Variants in PRKN observed in about 807,000 individuals in gnomAD.
PRKN encodes the protein E3 ubiquitin-protein ligase parkin.
Under a neutral mutation model 59.5 loss-of-function variants are expected in PRKN, and 56 were observed. That is an observed-to-expected ratio of 0.94 (90% confidence interval 0.76 to 1.18). The LOEUF is 1.18. Among genes scored for constraint, PRKN ranks in the 50% most tolerant of loss-of-function variants. The pLI, the probability that PRKN is intolerant of heterozygous loss-of-function variation, is 0.00. For synonymous variants in PRKN, 250 were observed against 222.1 expected (o/e 1.13, Z -1.12); for missense variants, 657 against 596.4 (o/e 1.10, Z -1.06).
chr6:161,751,131 A>C (rs934376431), intron 7 of PRKN, among the ~76,000 whole-genome samples: 3 of 152,242 alleles, frequency 2.0e-5, no homozygotes, highest in Admixed American at 6.5e-5. Context: ...GAACCAATTA[A>C]CAAACAATGT....
intron 7 of PRKN, among the ~76,000 whole-genome samples, chr6:161,595,846 G>C (rs1781895040): frequency 6.6e-6 from 1 of 152,230 alleles, no homozygotes; most frequent in Admixed American, 6.5e-5. Flanking sequence ...TTTACGGCGG[G>C]AAAGTGAAAA....
At chr6:161,836,337 C>G (rs1449982002) in intron 6 of PRKN, among the ~76,000 whole-genome samples, 2 of 152,238 alleles carry the variant, frequency 1.3e-5, no homozygotes, top group Non-Finnish European at 2.9e-5. Flanking sequence ...GTCCCCTCAT[C>G]TGGTCATCCT....
intron 3 of PRKN, among the ~76,000 whole-genome samples, chr6:162,212,272 A>G (rs1049321028): frequency 6.6e-6 from 1 of 152,092 alleles, no homozygotes; most frequent in Non-Finnish European, 1.5e-5. Context: ...TAAGTCAGCA[A>G]TCCCCCGAGA....
rs776385523 is a variant in PRKN at position 162,556,401 on chromosome 6, G to GTGTGTGTGTC, written c.8-112929_8-112928insGACACACACA. Among the ~76,000 whole-genome samples, 1,006 of 131,148 alleles carry GTGTGTGTGTC rather than the reference G, an allele frequency of 7.7e-3. 24 individuals are homozygous for GTGTGTGTGTC. Among genetic ancestry groups the GTGTGTGTGTC allele is most frequent in the South Asian group, 0.016 (58 of 3,728 alleles). The allele number at this position is 131,148 out of a possible 152,430, so 86.0% of individuals were successfully genotyped here. A position where few individuals can be genotyped will look rare whatever the true frequency, so the allele number is the denominator to read the frequency against. On this transcript the variant is annotated intron_variant, in intron 1 of 11. Transcript: ENST00000366898. ...TGTGTGTGTGTGTGTGTGTGTGTGT[G>GTGTGTGTGTC]TGTCAGTTTGGCAGACGCCTTCTTT...
At chr6:161,680,726 C>A (rs1234601218) in intron 7 of PRKN, among the ~76,000 whole-genome samples, 1 of 51,026 alleles carries the variant, frequency 2.0e-5, no homozygotes, top group South Asian at 7.0e-4. Context: ...TCCTGAAATA[C>A]ATATATATAT....
chr6:161,608,684 C>T (rs980721716), intron 7 of PRKN, among the ~76,000 whole-genome samples: 9 of 151,920 alleles, frequency 5.9e-5, no homozygotes, highest in African/African-American at 2.2e-4. Context: ...AGGTGTGTGC[C>T]ACCACGCCCG....
chr6:161,713,560 A>G (rs1056352313), intron 7 of PRKN, among the ~76,000 whole-genome samples: 10 of 152,228 alleles, frequency 6.6e-5, no homozygotes, highest in African/African-American at 2.4e-4. Context: ...TAGGACCTCT[A>G]TGACAGTAAC....
At chr6:162,338,173 C>T (rs1783934937) in intron 2 of PRKN, among the ~76,000 whole-genome samples, 1 of 152,080 alleles carries the variant, frequency 6.6e-6, no homozygotes. Context: ...GACAAATGTA[C>T]AATTATAACC....
chr6:162,450,415 CA>C (rs1562774354), intron 1 of PRKN, among the ~76,000 whole-genome samples: 2 of 118,372 alleles, frequency 1.7e-5, no homozygotes, highest in African/African-American at 1.0e-4. Flanking sequence ...ATGATTGTAA[CA>C]CCCCTGTGAT....
chr6:161,855,763 T>C (rs997959987), intron 6 of PRKN, among the ~76,000 whole-genome samples: 1 of 152,220 alleles, frequency 6.6e-6, no homozygotes, highest in African/African-American at 2.4e-5. Flanking sequence ...ACTAATATCT[T>C]GTTACCCAAC....
chr6:161,420,239 CA>C (rs529929769), intron 9 of PRKN, among the ~76,000 whole-genome samples: 2,228 of 73,124 alleles, frequency 0.03, 28 homozygotes, highest in African/African-American at 0.075. Flanking sequence ...GACTATGTCT[CA>C]AAAAAAAAAA....
chr6:161,920,531 C>T (rs138729655), intron 6 of PRKN, among the ~76,000 whole-genome samples: 12,644 of 151,968 alleles, frequency 0.083, 810 homozygotes, highest in East Asian at 0.34. Context: ...TGGCTCATGC[C>T]GGTAATCCCA....
intron 4 of PRKN, among the ~76,000 whole-genome samples, chr6:162,077,119 G>A (rs930676584): frequency 1.3e-5 from 2 of 152,092 alleles, no homozygotes; most frequent in African/African-American, 4.8e-5. Flanking sequence ...TGGCAGACAT[G>A]GAGGCTGGTG....
intron 1 of PRKN, among the ~76,000 whole-genome samples, chr6:162,660,093 T>C (rs1008353684): frequency 6.6e-6 from 1 of 152,144 alleles, no homozygotes; most frequent in African/African-American, 2.4e-5. Flanking sequence ...GAACACAGAT[T>C]TCTCTCACAC....
chr6:162,401,836 A>C (rs1045162416), intron 2 of PRKN, among the ~76,000 whole-genome samples: 1 of 152,218 alleles, frequency 6.6e-6, no homozygotes, highest in Non-Finnish European at 1.5e-5. Flanking sequence ...GAATTTATCA[A>C]AATTGAGTCA....
At chr6:161,953,737 C>T (rs1375575816) in intron 6 of PRKN, among the ~76,000 whole-genome samples, 1 of 152,188 alleles carries the variant, frequency 6.6e-6, no homozygotes, top group Non-Finnish European at 1.5e-5. Flanking sequence ...TCTACACACA[C>T]ATGTACATTC....
At chr6:161,854,767 G>C (rs554687309) in intron 6 of PRKN, among the ~76,000 whole-genome samples, 1 of 152,008 alleles carries the variant, frequency 6.6e-6, no homozygotes, top group Admixed American at 6.6e-5. Context: ...TGAAAAACTC[G>C]CATGTCTTAC....
chr6:162,225,957 CAT>C (rs1583226612), intron 3 of PRKN, among the ~76,000 whole-genome samples: 1 of 146,504 alleles, frequency 6.8e-6, no homozygotes, highest in Admixed American at 6.9e-5. Context: ...ATTTCCTAAA[CAT>C]ATATGTTTAG....
intron 3 of PRKN, among the ~76,000 whole-genome samples, chr6:162,215,904 A>T (rs1777629726): frequency 1.3e-5 from 2 of 151,996 alleles, no homozygotes; most frequent in Admixed American, 6.5e-5. Context: ...ATTAGCTGGC[A>T]TGGTGGTGCA....
Sources: allele counts gnomAD v4.1 joint callset (sites outside exome capture counted in the v4.1 genomes callset), GRCh38; gene constraint gnomAD v4.1.1; transcripts MANE v1.5; gene names NCBI Gene and HGNC (gene_info 2026-07-23, HGNC 2026-07-21).